SMAD7: variants seen among roughly 807,000 people sequenced by gnomAD.
SMAD7 encodes MAD (mothers against decapentaplegic, Drosophila) homolog 7.
SMAD7 carries 8 observed loss-of-function variants against 38.7 expected under a neutral mutation model. The ratio of observed to expected loss-of-function variants is 0.21; its 90% CI spans 0.12 to 0.37. SMAD7 has a LOEUF of 0.37. Ranked by LOEUF, SMAD7 falls within the 10% of genes least tolerant of loss-of-function variation. The probability of loss-of-function intolerance (pLI) is 1.00; values close to 1 mark genes in which losing one functional copy is unlikely to be tolerated. For synonymous variants in SMAD7, 327 were observed against 265.1 expected (o/e 1.23, Z -2.27); for missense variants, 477 against 577.9 (o/e 0.83, Z 1.79).
At chr18:48,926,705 C>T (rs1421069293) in intron 3 of SMAD7, among the ~76,000 whole-genome samples, 6 of 152,204 alleles carry the variant, frequency 3.9e-5, no homozygotes, top group African/African-American at 1.2e-4. Flanking sequence ...CACCACGCCT[C>T]GCTAACGCCA....
rs1443790772 is a variant in SMAD7 at position 48,950,060 on chromosome 18, C to A, written c.365G>T (p.Arg122Leu). ...LQAVESRGGT[R>L]TACLLLPGRL... The stretch of plus-strand genomic sequence containing the variant: ...GCCGGGCAGCAGGAGGCACGCGGTG[C>A]GCGTCCCGCCGCGGGACTCCACGGC... The change falls in exon 1 of 4, where the codon CGC (arginine) becomes CTC (leucine). Residue 122 changes from arginine (R) to leucine (L), a missense_variant. Arg to Leu is a moderately radical substitution (Grantham distance 102, BLOSUM62 -2). Transcript: ENST00000262158. 4 of 1,435,794 alleles carry A rather than the reference C, an allele frequency of 2.8e-6. No homozygotes were observed. Among genetic ancestry groups the A allele is most frequent in the Non-Finnish European group, 2.7e-6 (3 of 1,097,630 alleles). The allele number at this position is 1,435,794 out of a possible 1,614,324, so 88.9% of individuals were successfully genotyped here. A position where few individuals can be genotyped will look rare whatever the true frequency, so the allele number is the denominator to read the frequency against.
At chr18:48,948,572 T>C (rs748759849) in intron 1 of SMAD7, 135 bp from the exon 2 acceptor site, 1 of 562,864 alleles carries the variant, frequency 1.8e-6, no homozygotes, top group Non-Finnish European at 3.1e-6. Flanking sequence ...CGCGAGGCGG[T>C]GATTGCCTTG....
At position 48,937,257 on chromosome 18, in the gene SMAD7, T is replaced by C. The variant is rs2070078222; in HGVS notation, c.742+5224A>G. 2.0e-5 allele frequency among the ~76,000 whole-genome samples: 3 copies of C among 146,358 alleles called. No individual in the cohort carries two copies. The South Asian group carries it at 6.7e-4, about 33-fold the overall frequency. ...GCAGCTACAGTCAGGCTTTGCTAAG[T>C]AAAGGCATGTGTGTGTGTGTGTGTG... is the stretch of plus-strand genomic sequence containing the variant. On this transcript the variant is annotated intron_variant, in intron 3 of 3. Transcript: ENST00000262158.
chr18:48,944,623 T>C (rs1447843702), intron 2 of SMAD7, among the ~76,000 whole-genome samples: 1 of 152,166 alleles, frequency 6.6e-6, no homozygotes, highest in Non-Finnish European at 1.5e-5. Flanking sequence ...CCCTATCCCA[T>C]GGCTCTCACT....
chr18:48,947,902 C>A (rs749996262), intron 2 of SMAD7, among the ~76,000 whole-genome samples: 9 of 150,646 alleles, frequency 6.0e-5, no homozygotes, highest in Admixed American at 1.3e-4. Flanking sequence ...ACCCCCCCCC[C>A]CCTTTTACTG....
chr18:48,948,349 A>T (rs758452685), intron 2 of SMAD7, 35 bp downstream of exon 2: 90 of 1,483,528 alleles, frequency 6.1e-5, no homozygotes, highest in Non-Finnish European at 8.3e-5. Context: ...TTCTAACTTA[A>T]GATAAGCAGG....
chr18:48,939,093 C>T lies in SMAD7; in HGVS notation c.742+3388G>A, dbSNP rs569505268. On this transcript the variant is annotated intron_variant, in intron 3 of 3. Transcript: ENST00000262158. The stretch of plus-strand genomic sequence containing the variant: ...CAGAGCCTGCCTGTGGGCATCCGCA[C>T]GCTCTCATGTGTTTGCGCACGGGAT... 3.9e-5 allele frequency among the ~76,000 whole-genome samples: 6 copies of T among 152,246 alleles called. No individual in the cohort carries two copies. In the South Asian group the frequency reaches 6.2e-4, roughly 16 times the overall value.
chr18:48,937,247 C>CGTG (rs1312001328), intron 3 of SMAD7, among the ~76,000 whole-genome samples: 9 of 143,590 alleles, frequency 6.3e-5, no homozygotes, highest in Non-Finnish European at 1.4e-4. Context: ...TACAGTCAGG[C>CGTG]TTTGCTAAGT....
intron 3 of SMAD7, among the ~76,000 whole-genome samples, chr18:48,930,716 TGCC>T (rs2069989419): frequency 8.7e-6 from 1 of 114,510 alleles, no homozygotes; most frequent in Non-Finnish European, 2.1e-5. Context: ...GATCGGTGTG[TGCC>T]GACACATGAG....
chr18:48,942,443 G>T, intron 3 of SMAD7, 38 bp downstream of exon 3: 12 of 1,405,148 alleles, frequency 8.5e-6, no homozygotes, highest in Non-Finnish European at 1.1e-5. Flanking sequence ...TTTCAAAAAA[G>T]GTTGGAATTG....
chr18:48,926,216 C>T (rs2143763552), intron 3 of SMAD7, among the ~76,000 whole-genome samples: 1 of 152,264 alleles, frequency 6.6e-6, no homozygotes, highest in South Asian at 2.1e-4. Context: ...AGAACACGGG[C>T]ACGCGTGGAA....
chr18:48,934,683 A>T (rs954579575), intron 3 of SMAD7, among the ~76,000 whole-genome samples: 4 of 152,092 alleles, frequency 2.6e-5, no homozygotes, highest in Non-Finnish European at 5.9e-5. Flanking sequence ...CTGGTAAAAT[A>T]TTTTTTTAAA....
chr18:48,950,291 C>A lies in SMAD7; in HGVS notation c.134G>T (p.Ser45Ile). ...GELRGEGATDSRAHGAGGGGP... is the reference protein window; with the variant it reads ...GELRGEGATDIRAHGAGGGGP... ...GCCGCCACCGGCCCCATGCGCTCGG[C>A]TGTCCGTCGCCCCTTCTCCCCGCAG... Residue 45 changes from serine (S) to isoleucine (I), a missense_variant, in exon 1 of 4, where the codon AGC becomes ATC. This residue lies in a region of SMAD7 where 376 missense variants were observed against 379.4 expected (regional missense o/e 0.99). Transcript: ENST00000262158. 1 of 1,530,542 alleles carries A rather than the reference C, an allele frequency of 6.5e-7. No individual in the cohort carries two copies. The highest frequency in any genetic ancestry group is 8.8e-7 in the Non-Finnish European group (1 of 1,140,202). 94.8% of individuals were successfully genotyped at this position (1,530,542 alleles called of 1,614,324 possible).
At chr18:48,946,190 T>C (rs1348669297) in intron 2 of SMAD7, among the ~76,000 whole-genome samples, 2 of 152,216 alleles carry the variant, frequency 1.3e-5, no homozygotes, top group African/African-American at 4.8e-5. Flanking sequence ...CTGGTTAAGA[T>C]TTTAACAGTT....
At chr18:48,946,894 C>T (rs1184151703) in intron 2 of SMAD7, among the ~76,000 whole-genome samples, 1 of 152,130 alleles carries the variant, frequency 6.6e-6, no homozygotes, top group African/African-American at 2.4e-5. Context: ...TTTCTGGGAA[C>T]ATTTACCCCT....
In SMAD7 at chr18:48,950,311, C is replaced by T. The variant is rs898910274; in HGVS notation, c.114G>A (p.Arg38=). ...AGGGGGGGEL[R]GEGATDSRAH... is the part of the protein sequence containing the mutation. ...CTCGGCTGTCCGTCGCCCCTTCTCCCCGCAGCTCGCCTCCTCCTCCACCTC... is the reference window on the plus strand; with the variant it reads ...CTCGGCTGTCCGTCGCCCCTTCTCCTCGCAGCTCGCCTCCTCCTCCACCTC... The change falls in exon 1 of 4, where the codon CGG becomes CGA. Residue 38 remains arginine, a synonymous_variant. Coordinates refer to ENST00000262158, the MANE Select transcript of SMAD7 (RefSeq NM_005904.4). The T allele has an allele frequency of 1.2e-5, 19 of 1,534,840 alleles. No homozygotes were observed. The highest frequency in any genetic ancestry group is 4.0e-5 in the Admixed American group (2 of 50,116).
chr18:48,933,203 T>C (rs531280448), intron 3 of SMAD7, among the ~76,000 whole-genome samples: 1 of 152,190 alleles, frequency 6.6e-6, no homozygotes, highest in African/African-American at 2.4e-5. Context: ...GAAGTAGAAG[T>C]GGATGACTCA....
chr18:48,926,267 A>G (rs4991143), intron 3 of SMAD7, among the ~76,000 whole-genome samples: 140,708 of 152,268 alleles, frequency 0.92, 65,082 homozygotes, highest in East Asian at 0.99. Flanking sequence ...ACACACAAAG[A>G]ACGTACTTGT....
At chr18:48,944,264 G>A (rs1599234690) in intron 2 of SMAD7, among the ~76,000 whole-genome samples, 1 of 152,116 alleles carries the variant, frequency 6.6e-6, no homozygotes, top group East Asian at 1.9e-4. Context: ...CTTATCCACA[G>A]CCACTCCCCG....
Sources: gnomAD v4.1 joint callset for allele counts (sites outside exome capture counted in the v4.1 genomes callset) on GRCh38, gnomAD v4.1.1 for gene constraint, gnomAD v4.1.1 regional missense constraint, MANE v1.5 for transcripts, NCBI Gene and HGNC (gene_info 2026-07-23, HGNC 2026-07-21) for gene names.